WDR88: variants seen among roughly 807,000 people sequenced by gnomAD.
The protein encoded by WDR88 is WD repeat-containing protein 88.
Under a neutral mutation model 46.8 loss-of-function variants are expected in WDR88, and 40 were observed. That is an observed-to-expected ratio of 0.86 (90% CI 0.66 to 1.11). WDR88 has a LOEUF of 1.11. Among genes scored for constraint, WDR88 ranks in the 50% most tolerant of loss-of-function variants. The pLI is 0.00. For synonymous variants in WDR88, 235 were observed against 240.7 expected, an observed-to-expected ratio of 0.98 and a Z score of 0.22; for missense variants, 562 against 602.4, an observed-to-expected ratio of 0.93 and a Z score of 0.70.
At chr19:33,159,460 A>G (rs1973826594) in intron 7 of WDR88, among the ~76,000 whole-genome samples, 2 of 152,208 alleles carry the variant, frequency 1.3e-5, no homozygotes, top group Admixed American at 1.3e-4. Flanking sequence ...TATGATGGGG[A>G]AAATGCATGC....
chr19:33,167,298 GA>G lies in WDR88; in HGVS notation c.1149+3041del, dbSNP rs555582369. 4.4e-4 allele frequency among the ~76,000 whole-genome samples: 66 copies of G among 150,618 alleles called. 3 individuals carry two copies. The South Asian group carries it at 6.9e-3, about 16-fold the overall frequency. On this transcript the variant is annotated intron_variant, in intron 9 of 10. Transcript: ENST00000355868. ...ATATATTACATTAATAGAACAAAGG[GA>G]AAAAAAACCCTATACAATCATTTCA...
intron 6 of WDR88, among the ~76,000 whole-genome samples, chr19:33,152,056 A>AC (rs1364718541): frequency 1.3e-5 from 2 of 151,508 alleles, no homozygotes; most frequent in Non-Finnish European, 2.9e-5. Flanking sequence ...ACATAGTGAA[A>AC]CCCCACCTCT....
At chr19:33,166,665 A>G (rs1329042886) in intron 9 of WDR88, among the ~76,000 whole-genome samples, 2 of 152,020 alleles carry the variant, frequency 1.3e-5, no homozygotes, top group East Asian at 3.9e-4. Context: ...TAATCCTAGC[A>G]CTTTGGGAGG....
chr19:33,157,732 TATATAA>T (rs199623562), intron 7 of WDR88, among the ~76,000 whole-genome samples: 3,030 of 57,286 alleles, frequency 0.053, 320 homozygotes, highest in African/African-American at 0.22. Flanking sequence ...TATATATATA[TATATAA>T]AATTAAAGAG....
At chr19:33,158,162 A>G (rs1473823000) in intron 7 of WDR88, among the ~76,000 whole-genome samples, 1 of 152,116 alleles carries the variant, frequency 6.6e-6, no homozygotes, top group African/African-American at 2.4e-5. Flanking sequence ...ATGCTCCCCT[A>G]TCCTGGTGAG....
intron 8 of WDR88, among the ~76,000 whole-genome samples, chr19:33,161,078 T>G (rs1305534363): frequency 1.3e-5 from 2 of 151,720 alleles, no homozygotes. Context: ...GAGGCTGAGG[T>G]GGGAGGATCG....
intron 6 of WDR88, among the ~76,000 whole-genome samples, chr19:33,152,234 A>AAAATATATAT (rs111944598): frequency 1.4e-5 from 2 of 147,406 alleles, no homozygotes; most frequent in East Asian, 2.0e-4. Flanking sequence ...TCTGTCTCAA[A>AAAATATATAT]ATATATATAT....
intron 7 of WDR88, among the ~76,000 whole-genome samples, chr19:33,157,543 A>ATATATATATATG (rs1568367345): frequency 2.8e-5 from 3 of 109,060 alleles, no homozygotes; most frequent in African/African-American, 5.8e-5. Flanking sequence ...ATATATATGT[A>ATATATATATATG]TATATATGTG....
At chr19:33,137,542 C>T (rs907348006) in intron 1 of WDR88, 135 bp from the exon 2 acceptor site, 3 of 730,914 alleles carry the variant, frequency 4.1e-6, no homozygotes, top group East Asian at 3.0e-5. Context: ...CGTGAACCAC[C>T]CCCCTGGCCA....
At chr19:33,133,645 T>C (rs1031303839) in intron 1 of WDR88, among the ~76,000 whole-genome samples, 2 of 152,256 alleles carry the variant, frequency 1.3e-5, no homozygotes, top group African/African-American at 4.8e-5. Context: ...TCGAAACCTC[T>C]GCCTGGCTTC....
intron 10 of WDR88, 98 bp from the exon 11 acceptor site, chr19:33,175,285 GGGAACCCTTGCCT>G: frequency 8.7e-7 from 1 of 1,153,146 alleles, no homozygotes. Flanking sequence ...TTCCAGAGAG[GGGAACCCTTGCCT>G]TGCCCCAGCT....
At chr19:33,155,261 C>T (rs1030153131) in intron 6 of WDR88, among the ~76,000 whole-genome samples, 1 of 152,128 alleles carries the variant, frequency 6.6e-6, no homozygotes, top group Non-Finnish European at 1.5e-5. Flanking sequence ...CTGCCTCAGC[C>T]TCCAGAGTAG....
At position 33,164,276 on chromosome 19, in the gene WDR88, T is replaced by A. The variant is rs767807091; in HGVS notation, c.1149+11T>A. Reference sequence around the variant, plus strand: ...CTGTCTGCTTCCAAGGTAAAAGTGGTCAAGCTTACAATATCGATCACGTTC... The same window carrying A: ...CTGTCTGCTTCCAAGGTAAAAGTGGACAAGCTTACAATATCGATCACGTTC... On this transcript the variant is annotated intron_variant, in intron 9 of 10. Transcript: ENST00000355868. The A allele has an allele frequency of 6.2e-7, 1 of 1,612,398 alleles. No individual in the cohort carries two copies. The highest frequency in any genetic ancestry group is 8.5e-7 in the Non-Finnish European group (1 of 1,178,452).
intron 2 of WDR88, among the ~76,000 whole-genome samples, chr19:33,143,542 G>T (rs1317837351): frequency 4.0e-5 from 6 of 151,456 alleles, no homozygotes; most frequent in Non-Finnish European, 7.4e-5. Flanking sequence ...GACTTGGGAG[G>T]CTGAGATGGG....
intron 5 of WDR88, among the ~76,000 whole-genome samples, chr19:33,150,740 G>A (rs1259837693): frequency 6.6e-6 from 1 of 152,244 alleles, no homozygotes; most frequent in African/African-American, 2.4e-5. Context: ...TCAGACTCCA[G>A]CTTTGCCCCA....
At chr19:33,165,606 A>C (rs1217981295) in intron 9 of WDR88, among the ~76,000 whole-genome samples, 1 of 152,202 alleles carries the variant, frequency 6.6e-6, no homozygotes, top group Non-Finnish European at 1.5e-5. Context: ...AAATATAAAA[A>C]TATTGGCCAG....
chr19:33,155,329 T>C (rs1217752952), intron 6 of WDR88, among the ~76,000 whole-genome samples: 1 of 152,114 alleles, frequency 6.6e-6, no homozygotes, highest in Non-Finnish European at 1.5e-5. Flanking sequence ...TTTGTAGAGA[T>C]GGGGTCTTGC....
At chr19:33,132,722 C>A (rs1599873439) in intron 1 of WDR88, among the ~76,000 whole-genome samples, 1 of 152,214 alleles carries the variant, frequency 6.6e-6, no homozygotes, top group South Asian at 2.1e-4. Context: ...ACCATGTGAC[C>A]CCATCTAGAC....
At chr19:33,172,904 A>G (rs1463129978) in intron 10 of WDR88, among the ~76,000 whole-genome samples, 1 of 151,968 alleles carries the variant, frequency 6.6e-6, no homozygotes, top group South Asian at 2.1e-4. Flanking sequence ...AGCCTGGCCA[A>G]CATGGTTAAG....
Sources: allele counts gnomAD v4.1 joint callset (sites outside exome capture counted in the v4.1 genomes callset), GRCh38; gene constraint gnomAD v4.1.1; transcripts MANE v1.5; gene names NCBI Gene and HGNC (gene_info 2026-07-23, HGNC 2026-07-21).